The following FBLN1 variants were observed in gnomAD, a reference collection of about 807,000 sequenced individuals.
FBLN1 encodes fibulin 1, also known as fibulin-1.
A neutral mutation model predicts 89.7 loss-of-function variants in FBLN1; 34 were observed. The ratio of observed to expected loss-of-function variants is 0.38; its 90% CI spans 0.29 to 0.50. The LOEUF is 0.50. Among genes scored for constraint, FBLN1 ranks in the 20% least tolerant of loss-of-function variants. FBLN1 has a pLI of 0.92. For synonymous variants in FBLN1, 393 were observed against 391.3 expected (o/e 1.00, Z -0.05); for missense variants, 777 against 988.1 (o/e 0.79, Z 2.86).
At chr22:45,533,327 C>T (rs997726398) in intron 6 of FBLN1, among the ~76,000 whole-genome samples, 163 bp downstream of exon 6, 12 of 152,226 alleles carry the variant, frequency 7.9e-5, no homozygotes, top group African/African-American at 2.7e-4. Flanking sequence ...GTTTGCAGCG[C>T]AGAGGCCCCT....
intron 1 of FBLN1, among the ~76,000 whole-genome samples, chr22:45,518,187 C>G (rs577846591): frequency 2.0e-5 from 3 of 151,400 alleles, no homozygotes; most frequent in Admixed American, 2.0e-4. Flanking sequence ...TGACTCAGCT[C>G]GTTGCATTTT....
chr22:45,575,411 A>G lies in FBLN1; in HGVS notation c.1840+758A>G, dbSNP rs80610. Among the ~76,000 whole-genome samples the G allele has an allele frequency of 0.53, 80,259 of 151,736 alleles. 21,503 individuals carry two copies. Among genetic ancestry groups the G allele is most frequent in the East Asian group, 0.78 (4,006 of 5,150 alleles). On this transcript the variant is annotated intron_variant, in intron 15 of 16. Coordinates refer to ENST00000327858, the MANE Select transcript of FBLN1 (RefSeq NM_006486.3). The surrounding 1 kb of genome is among the most constrained non-coding windows in gnomAD (Gnocchi z 6.3). ...GTGTGGGCGTTTGAGAAACTGAGCCAAGGTTTTCTGCTGGAGCGCTAGAGG... is the reference window on the plus strand; with the variant it reads ...GTGTGGGCGTTTGAGAAACTGAGCCGAGGTTTTCTGCTGGAGCGCTAGAGG...
chr22:45,512,798 C>T (rs2088119012), intron 1 of FBLN1, among the ~76,000 whole-genome samples: 1 of 152,090 alleles, frequency 6.6e-6, no homozygotes, highest in South Asian at 2.1e-4. Flanking sequence ...CCCCCTGTCC[C>T]CCAGGCTGGA....
At chr22:45,573,404 G>A (rs2088966457) in intron 14 of FBLN1, among the ~76,000 whole-genome samples, 1 of 151,758 alleles carries the variant, frequency 6.6e-6, no homozygotes, top group African/African-American at 2.4e-5. Context: ...GGCCGGGCTC[G>A]GTGGCTCAGG....
intron 16 of FBLN1, among the ~76,000 whole-genome samples, chr22:45,582,777 T>G (rs1235865663): frequency 6.6e-6 from 1 of 152,198 alleles, no homozygotes; most frequent in Non-Finnish European, 1.5e-5. Context: ...TATGATTTAG[T>G]GCACGTGTGG....
chr22:45,514,688 C>T (rs2088146280), intron 1 of FBLN1, among the ~76,000 whole-genome samples: 1 of 152,184 alleles, frequency 6.6e-6, no homozygotes, highest in Non-Finnish European at 1.5e-5. Context: ...GATCGGGCCC[C>T]TTGCCCTGGC....
rs957174414 is a variant in FBLN1, at chr22:45,537,859, C to T, written c.922+2522C>T. 9.9e-5 allele frequency among the ~76,000 whole-genome samples: 15 copies of T among 152,268 alleles called. No homozygotes were observed. The highest frequency in any genetic ancestry group is 2.2e-4 in the African/African-American group (9 of 41,556). On this transcript the variant is annotated intron_variant, in intron 8 of 16. Coordinates refer to ENST00000327858, the MANE Select transcript of FBLN1 (RefSeq NM_006486.3). This position sits in a 1 kb window ranked among gnomAD's most constrained non-coding sequence, Gnocchi z 5.7. ...GTGAGCAGGGAAGCCATGGGCTCTCCGGGACCAGCGGGGAGGATAGTCCTG... is the reference window on the plus strand; with the variant it reads ...GTGAGCAGGGAAGCCATGGGCTCTCTGGGACCAGCGGGGAGGATAGTCCTG...
chr22:45,552,919 A>C lies in FBLN1; in HGVS notation c.1697+2304A>C, dbSNP rs547302549. ...CCGGACACATCCTCTTTATCCCCTC[A>C]GTGGGGCCGGCGCCTGATGACCTGT... is the stretch of plus-strand genomic sequence containing the variant. On this transcript the variant is annotated intron_variant, in intron 14 of 16. Coordinates refer to ENST00000327858, the MANE Select transcript of FBLN1 (RefSeq NM_006486.3). Among the ~76,000 whole-genome samples the C allele has an allele frequency of 2.6e-5, 4 of 152,270 alleles. No individual in the cohort carries two copies. In the South Asian group the frequency reaches 8.3e-4, roughly 32 times the overall value.
Position 45,518,454 on chromosome 22 carries a change from G to C in FBLN1, c.80-228G>C, listed in dbSNP as rs570637830. Reference sequence around the variant, plus strand: ...CGCAGCCCTGTCCAAGCTGGATTCAGATGGGGGAGGATTCAGGTCTTTCTT... The same window carrying C: ...CGCAGCCCTGTCCAAGCTGGATTCACATGGGGGAGGATTCAGGTCTTTCTT... On this transcript the variant is annotated intron_variant, in intron 1 of 16. Transcript: ENST00000327858. 280 of 598,828 alleles carry C rather than the reference G, an allele frequency of 4.7e-4. 1 individual carries two copies. The Middle Eastern group carries it at 5.8e-3, about 12-fold the overall frequency. The allele number at this position is 598,828 out of a possible 1,614,324, so 37.1% of individuals were successfully genotyped here.
In FBLN1 at chr22:45,543,418, C is replaced by A; in HGVS notation, c.1213C>A (p.Arg405Ser). The A allele has an allele frequency of 1.2e-6, 2 of 1,613,144 alleles. No individual in the cohort carries two copies. The highest frequency in any genetic ancestry group is 1.7e-6 in the Non-Finnish European group (2 of 1,179,978). Residue 405 changes from arginine (R) to serine (S), a missense_variant, in exon 11 of 17, where the codon CGC (arginine) becomes AGC (serine). Arg to Ser is a moderately radical substitution (Grantham distance 110, BLOSUM62 -1). Transcript: ENST00000327858. ...ACTTTCAGATGTCAACGAGTGCCAGCGCTACCCCGGGCGCCTGTGTGGCCA... is the reference window on the plus strand; with the variant it reads ...ACTTTCAGATGTCAACGAGTGCCAGAGCTACCCCGGGCGCCTGTGTGGCCA... ...RMCVDVNECQ[R>S]YPGRLCGHKC...
chr22:45,515,154 G>A (rs913098382), intron 1 of FBLN1, among the ~76,000 whole-genome samples: 1 of 152,204 alleles, frequency 6.6e-6, no homozygotes, highest in Non-Finnish European at 1.5e-5. Flanking sequence ...GTGGGTCAGG[G>A]CCCGGCAATT....
intron 14 of FBLN1, among the ~76,000 whole-genome samples, chr22:45,559,028 A>G (rs1010856591): frequency 3.3e-5 from 5 of 152,252 alleles, no homozygotes; most frequent in Non-Finnish European, 5.9e-5. Flanking sequence ...TATGACATGA[A>G]TAAGATTATG....
chr22:45,565,060 G>T, intron 14 of FBLN1: 1 of 1,605,360 alleles, frequency 6.2e-7, no homozygotes, highest in South Asian at 1.1e-5. Flanking sequence ...ATTGTGCCAC[G>T]GGAGCATGAG....
Position 45,562,914 on chromosome 22 carries a change from G to A in FBLN1, c.1698-11597G>A, listed in dbSNP as rs748375408. 12 of 1,613,612 alleles carry A rather than the reference G, an allele frequency of 7.4e-6. No individual in the cohort carries two copies. The highest frequency in any genetic ancestry group is 2.2e-5 in the East Asian group (1 of 44,860). On this transcript the variant is annotated intron_variant, in intron 14 of 16. Transcript: ENST00000327858. The surrounding 1 kb of genome is among the most constrained non-coding windows in gnomAD (Gnocchi z 7.8). Reference sequence around the variant, plus strand: ...CTCTCTGCCCACTTTTCTTGCAGCCGCTGTGAGCGCTTGCCTTGCCATGAG... The same window carrying A: ...CTCTCTGCCCACTTTTCTTGCAGCCACTGTGAGCGCTTGCCTTGCCATGAG...
At chr22:45,544,457 G>A (rs1010047468) in intron 11 of FBLN1, among the ~76,000 whole-genome samples, 16 of 152,154 alleles carry the variant, frequency 1.1e-4, no homozygotes, top group East Asian at 1.9e-4. Flanking sequence ...CTGGCCTTCC[G>A]GATGACGACA....
At chr22:45,585,045 C>A (rs982429256) in intron 16 of FBLN1, among the ~76,000 whole-genome samples, 1 of 152,366 alleles carries the variant, frequency 6.6e-6, no homozygotes, top group Non-Finnish European at 1.5e-5. Flanking sequence ...CCATAGCATC[C>A]TGCCAGAGTT....
rs1303026316 is a variant in FBLN1 at position 45,572,537 on chromosome 22, T to C, written c.1698-1974T>C. On this transcript the variant is annotated intron_variant, in intron 14 of 16. Transcript: ENST00000327858. The surrounding 1 kb of genome is among the most constrained non-coding windows in gnomAD (Gnocchi z 5.8). ...AACCAAGTATTGATCTGCTATTTCCTGGTAATTAAATCACAAGAGCACATG... is the reference window on the plus strand; with the variant it reads ...AACCAAGTATTGATCTGCTATTTCCCGGTAATTAAATCACAAGAGCACATG... Among the ~76,000 whole-genome samples, 3 of 152,248 alleles carry C rather than the reference T, an allele frequency of 2.0e-5. No individual in the cohort carries two copies. In the East Asian group the frequency reaches 5.8e-4, roughly 29 times the overall value.
intron 14 of FBLN1, chr22:45,564,819 TG>T: frequency 6.2e-7 from 1 of 1,600,266 alleles, no homozygotes; most frequent in Non-Finnish European, 8.5e-7. Context: ...CAGATGACTC[TG>T]CCAGCCCTGG....
intron 11 of FBLN1, among the ~76,000 whole-genome samples, chr22:45,546,879 C>T (rs1025180394): frequency 2.0e-5 from 3 of 152,116 alleles, no homozygotes; most frequent in Non-Finnish European, 2.9e-5. Context: ...AAGTTGTGGT[C>T]GAAGCAGGCA....
Sources: gnomAD v4.1 joint callset for allele counts (sites outside exome capture counted in the v4.1 genomes callset) on GRCh38, gnomAD v4.1.1 for gene constraint, Gnocchi (gnomAD v3.1) non-coding constraint, MANE v1.5 for transcripts, NCBI Gene and HGNC (gene_info 2026-07-23, HGNC 2026-07-21) for gene names.